The following PTPN22 variants were observed in gnomAD, a reference collection of about 807,000 sequenced individuals.
PTPN22 encodes the protein protein tyrosine phosphatase non-receptor type 22, also known as tyrosine-protein phosphatase non-receptor type 22.
A neutral mutation model predicts 103.3 loss-of-function variants in PTPN22; 85 were observed. That is an observed-to-expected ratio of 0.82 (90% CI 0.69 to 0.99). PTPN22 has a LOEUF of 0.99. Among genes scored for constraint, PTPN22 ranks in the 50% least tolerant of loss-of-function variants. The probability of loss-of-function intolerance (pLI) is 0.00; values close to 1 mark genes in which losing one functional copy is unlikely to be tolerated. For missense variants in PTPN22, 865 were observed against 936.9 expected, an observed-to-expected ratio of 0.92 and a Z score of 1.00; for synonymous variants, 323 against 310.2, an observed-to-expected ratio of 1.04 and a Z score of -0.43.
intron 1 of PTPN22, among the ~76,000 whole-genome samples, chr1:113,867,663 C>T (rs773057398): frequency 3.3e-5 from 5 of 152,136 alleles, no homozygotes; most frequent in Non-Finnish European, 7.4e-5. Flanking sequence ...GCATCTAGGG[C>T]ATTACTTTGC....
At chr1:113,849,977 C>T (rs930982306) in intron 10 of PTPN22, among the ~76,000 whole-genome samples, 2 of 151,756 alleles carry the variant, frequency 1.3e-5, no homozygotes, top group South Asian at 2.1e-4. Flanking sequence ...AGGCAGATCA[C>T]GAAATCAGGA....
At chr1:113,848,454 A>AAC in intron 11 of PTPN22, 86 bp downstream of exon 11, 1 of 1,589,690 alleles carries the variant, frequency 6.3e-7, no homozygotes, top group Non-Finnish European at 8.6e-7. Context: ...TTGTGACAAT[A>AAC]GATAAATCCT....
At chr1:113,842,643 C>T (rs527476630) in intron 11 of PTPN22, among the ~76,000 whole-genome samples, 1 of 152,068 alleles carries the variant, frequency 6.6e-6, no homozygotes, top group African/African-American at 2.4e-5. Flanking sequence ...CACTGCACTC[C>T]AGCCTGGCAA....
rs538712768 is a variant in PTPN22 at position 113,815,772 on chromosome 1, G to A, written c.2360-803C>T. ...CGGCCCACTGCAACCTCCGCCTCCC[G>A]GGTTCAAGCGATTCTCCTGCCTCAG... On this transcript the variant is annotated intron_variant, in intron 20 of 20. Coordinates refer to ENST00000359785, the Ensembl canonical transcript of PTPN22. Among the ~76,000 whole-genome samples, 36 of 152,264 alleles carry A rather than the reference G, an allele frequency of 2.4e-4. 1 individual carries two copies. Among genetic ancestry groups the A allele is most frequent in the Middle Eastern group, 6.8e-3 (2 of 294 alleles).
rs527516985 is a variant in PTPN22, at chr1:113,851,432, G to T, written c.828+595C>A. 3.3e-5 allele frequency among the ~76,000 whole-genome samples: 5 copies of T among 152,282 alleles called. No individual in the cohort carries two copies. In the South Asian group the frequency reaches 6.2e-4, roughly 19 times the overall value. ...GCCTCCCAAAGTGCTGGGATTACAG[G>T]TGTCAGCCACCGCGCCCGGCCCAAT... On this transcript the variant is annotated intron_variant, in intron 10 of 20. Coordinates refer to ENST00000359785, the Ensembl canonical transcript of PTPN22.
chr1:113,837,008 C>A (rs1170480158), intron 13 of PTPN22, among the ~76,000 whole-genome samples: 1 of 152,006 alleles, frequency 6.6e-6, no homozygotes, highest in Non-Finnish European at 1.5e-5. Flanking sequence ...TAGAAGCACT[C>A]CTGCTGGTAC....
chr1:113,813,879 A>C (rs1304549004), exon 21 of PTPN22: 1 of 152,294 alleles, frequency 6.6e-6, no homozygotes, highest in Non-Finnish European at 1.5e-5. Flanking sequence ...ACAGATAATA[A>C]TACTTCATTC....
At position 113,834,941 on chromosome 1, in the gene PTPN22, T is replaced by C. The variant is rs1311693216; in HGVS notation, c.1863A>G (p.Thr621=). 3 of 1,582,292 alleles carry C rather than the reference T, an allele frequency of 1.9e-6. No individual in the cohort carries two copies. The Middle Eastern group carries it at 5.0e-4, about 264-fold the overall frequency. ...CCTCAACCACAATAAATGATTCAGG[T>C]GTCCATACAGGAAGTGGAGGGGGGA... is the stretch of plus-strand genomic sequence containing the variant. The change falls in exon 14 of 21, where the codon ACA becomes ACG. Residue 621 remains threonine (T), a synonymous_variant. Coordinates refer to ENST00000359785, the Ensembl canonical transcript of PTPN22.
exon 10 of PTPN22, chr1:113,852,065 C>T (rs1571428991): frequency 6.2e-7 from 1 of 1,611,718 alleles, no homozygotes; most frequent in African/African-American, 1.3e-5. Context: ...GTCCGCATTT[C>T]CCGGATCAAA....
chr1:113,816,697 T>A (rs1285510954), intron 20 of PTPN22, among the ~76,000 whole-genome samples: 1 of 151,674 alleles, frequency 6.6e-6, no homozygotes, highest in African/African-American at 2.4e-5. Flanking sequence ...TCACCTGAGG[T>A]CAGGAGTTCA....
chr1:113,832,092 T>C (rs1173089466), intron 16 of PTPN22, among the ~76,000 whole-genome samples: 2 of 152,204 alleles, frequency 1.3e-5, no homozygotes, highest in African/African-American at 4.8e-5. Context: ...GGAGAAAGTA[T>C]GTAATTTAAC....
At chr1:113,832,443 G>A (rs1292657672) in intron 16 of PTPN22, among the ~76,000 whole-genome samples, 1 of 152,136 alleles carries the variant, frequency 6.6e-6, no homozygotes, top group Non-Finnish European at 1.5e-5. Context: ...CTCCCAAAGT[G>A]CTGGGATTAC....
At chr1:113,856,728 C>A (rs907149750) in intron 5 of PTPN22, 109 bp from the exon 6 acceptor site, 4 of 1,434,390 alleles carry the variant, frequency 2.8e-6, no homozygotes, top group African/African-American at 2.8e-5. Context: ...AGGTTAGGTG[C>A]GTCTAACCCC....
At chr1:113,817,818 C>T (rs546991121) in intron 20 of PTPN22, among the ~76,000 whole-genome samples, 1 of 152,040 alleles carries the variant, frequency 6.6e-6, no homozygotes, top group African/African-American at 2.4e-5. Flanking sequence ...ATATTTTATC[C>T]TCATATTAGA....
intron 9 of PTPN22, among the ~76,000 whole-genome samples, chr1:113,853,570 G>A (rs1011447102): frequency 3.3e-5 from 5 of 151,798 alleles, no homozygotes; most frequent in South Asian, 2.1e-4. Flanking sequence ...GGCTGGTCTC[G>A]AACTCCCAAC....
At chr1:113,838,290 G>A in exon 13 of PTPN22, 1 of 1,613,768 alleles carries the variant, frequency 6.2e-7, no homozygotes, top group Non-Finnish European at 8.5e-7. Context: ...ATTTAGCAGG[G>A]TGCAAAACTA....
intron 1 of PTPN22, among the ~76,000 whole-genome samples, chr1:113,870,508 G>T (rs1292534076): frequency 2.6e-5 from 4 of 152,112 alleles, no homozygotes; most frequent in Non-Finnish European, 5.9e-5. Flanking sequence ...AGCTGCCATT[G>T]CATCAATAAT....
At chr1:113,857,946 C>T in intron 4 of PTPN22, 170 bp from the exon 5 acceptor site, 1 of 517,020 alleles carries the variant, frequency 1.9e-6, no homozygotes. Flanking sequence ...TGCTACTCTT[C>T]CTTCATTCTG....
At chr1:113,866,621 G>C (rs1666144357) in intron 1 of PTPN22, among the ~76,000 whole-genome samples, 1 of 152,088 alleles carries the variant, frequency 6.6e-6, no homozygotes, top group South Asian at 2.1e-4. Context: ...TAATCAGCCT[G>C]ATAATTTTGG....
Sources: gnomAD v4.1 joint callset for allele counts (sites outside exome capture counted in the v4.1 genomes callset) on GRCh38, gnomAD v4.1.1 for gene constraint, MANE v1.5 for transcripts, NCBI Gene and HGNC (gene_info 2026-07-23, HGNC 2026-07-21) for gene names.